The following JARID2 variants were observed in gnomAD, a reference collection of about 807,000 sequenced individuals.
JARID2 encodes the protein jumonji and AT-rich interaction domain containing 2.
A neutral mutation model predicts 125.6 loss-of-function variants in JARID2; 21 were observed. That is an observed-to-expected ratio of 0.17 (90% CI 0.12 to 0.24). The LOEUF is 0.24. Among genes scored for constraint, JARID2 ranks in the 10% least tolerant of loss-of-function variants. JARID2 has a pLI of 1.00. For missense variants in JARID2, 1,303 were observed against 1,639.6 expected (o/e 0.79, Z 3.55); for synonymous variants, 736 against 661.6 (o/e 1.11, Z -1.73).
chr6:15,442,864 A>G (rs1353890599), intron 3 of JARID2, among the ~76,000 whole-genome samples: 1 of 152,190 alleles, frequency 6.6e-6, no homozygotes, highest in Non-Finnish European at 1.5e-5. Flanking sequence ...AGAAGATTTC[A>G]AGAAACATAA....
chr6:15,439,905 G>A (rs921293361), intron 3 of JARID2, among the ~76,000 whole-genome samples: 3 of 152,188 alleles, frequency 2.0e-5, no homozygotes, highest in Admixed American at 2.0e-4. Context: ...TAATGTCACA[G>A]CAAATGCAAG....
chr6:15,502,641 C>G, intron 8 of JARID2, among the ~76,000 whole-genome samples: 1 of 152,324 alleles, frequency 6.6e-6, no homozygotes, highest in South Asian at 2.1e-4. Context: ...TGACTCCTGG[C>G]GTTGCTGCTT....
chr6:15,514,519 C>A (rs1478490798), intron 16 of JARID2, among the ~76,000 whole-genome samples: 2 of 152,182 alleles, frequency 1.3e-5, no homozygotes, highest in Non-Finnish European at 2.9e-5. Flanking sequence ...GACTGAGACC[C>A]GGGTCGACTC....
intron 17 of JARID2, among the ~76,000 whole-genome samples, chr6:15,519,686 T>C (rs898000562): frequency 6.6e-6 from 1 of 152,212 alleles, no homozygotes; most frequent in South Asian, 2.1e-4. Context: ...CAGTGGCCGG[T>C]AGCTAAAGTG....
chr6:15,447,497 T>C (rs1411192150), intron 3 of JARID2, among the ~76,000 whole-genome samples: 1 of 152,216 alleles, frequency 6.6e-6, no homozygotes, highest in African/African-American at 2.4e-5. Flanking sequence ...CCTGACTACA[T>C]GCAAGGCCCA....
intron 1 of JARID2, among the ~76,000 whole-genome samples, chr6:15,281,894 A>G (rs770291408): frequency 6.6e-6 from 1 of 151,196 alleles, no homozygotes; most frequent in Non-Finnish European, 1.5e-5. Flanking sequence ...ATATGATTGA[A>G]TTGGAAGTGC....
chr6:15,327,121 T>C (rs1762556596), intron 1 of JARID2, among the ~76,000 whole-genome samples: 1 of 152,232 alleles, frequency 6.6e-6, no homozygotes, highest in South Asian at 2.1e-4. Flanking sequence ...TGGGATCTTT[T>C]TTCTCCCCTT....
intron 3 of JARID2, among the ~76,000 whole-genome samples, chr6:15,417,031 G>A (rs1025147555): frequency 1.3e-5 from 2 of 152,168 alleles, no homozygotes; most frequent in Non-Finnish European, 2.9e-5. Flanking sequence ...AGTTAATTTG[G>A]TGATGGTATA....
chr6:15,394,037 G>A (rs1273162001), intron 2 of JARID2, among the ~76,000 whole-genome samples: 1 of 152,134 alleles, frequency 6.6e-6, no homozygotes, highest in Non-Finnish European at 1.5e-5. Flanking sequence ...ATCTGAAGAT[G>A]AGGTCTTCTA....
intron 1 of JARID2, among the ~76,000 whole-genome samples, chr6:15,279,492 C>T (rs559177429): frequency 2.6e-5 from 4 of 152,270 alleles, no homozygotes; most frequent in South Asian, 4.1e-4. Flanking sequence ...CCTCTGGGGT[C>T]GTGGAAGTAT....
chr6:15,482,674 ATATG>A (rs1769677988), intron 5 of JARID2, among the ~76,000 whole-genome samples: 1 of 152,230 alleles, frequency 6.6e-6, no homozygotes, highest in African/African-American at 2.4e-5. Context: ...CTTTGGATAA[ATATG>A]TATGTACATG....
chr6:15,502,989 G>A (rs13208563), intron 8 of JARID2, among the ~76,000 whole-genome samples: 35,199 of 152,212 alleles, frequency 0.23, 4,301 homozygotes, highest in Middle Eastern at 0.36. Flanking sequence ...AACTGTCAAC[G>A]TTTTTACTTT....
intron 1 of JARID2, among the ~76,000 whole-genome samples, chr6:15,280,485 T>C (rs899940704): frequency 6.6e-6 from 1 of 152,324 alleles, no homozygotes; most frequent in South Asian, 2.1e-4. Flanking sequence ...GATCCAGCCT[T>C]TTACATTCTT....
intron 1 of JARID2, among the ~76,000 whole-genome samples, chr6:15,289,261 A>G (rs1382560220): frequency 6.6e-6 from 1 of 152,214 alleles, no homozygotes; most frequent in African/African-American, 2.4e-5. Context: ...AAAAAGAATA[A>G]TGAAAAATAG....
chr6:15,415,816 G>A (rs1367738337), intron 3 of JARID2, among the ~76,000 whole-genome samples: 1 of 123,392 alleles, frequency 8.1e-6, no homozygotes, highest in South Asian at 2.8e-4. Context: ...TGGCCGGGCG[G>A]GGGGCTGACC....
chr6:15,252,642 G>A (rs1356695123), intron 1 of JARID2, among the ~76,000 whole-genome samples: 2 of 152,138 alleles, frequency 1.3e-5, no homozygotes, highest in African/African-American at 4.8e-5. Flanking sequence ...ATTATATATT[G>A]TTTTACTTAT....
chr6:15,374,491 G>C (rs1339371588), intron 2 of JARID2, among the ~76,000 whole-genome samples: 2 of 152,232 alleles, frequency 1.3e-5, no homozygotes, highest in African/African-American at 4.8e-5. Context: ...TGTAGGTCCT[G>C]TCTTGCTGGT....
chr6:15,338,825 C>T lies in JARID2; in HGVS notation c.46-35292C>T, dbSNP rs73726557. On this transcript the variant is annotated intron_variant, in intron 1 of 17. Transcript: ENST00000341776. ...CCCAGTAAGGCCCAGTTACCCTTCT[C>T]CCTACAGGACTTAAAGCAAATTAAG... is the stretch of plus-strand genomic sequence containing the variant. 7.9e-3 allele frequency among the ~76,000 whole-genome samples: 1,197 copies of T among 152,330 alleles called. 19 individuals carry two copies. The highest frequency in any genetic ancestry group is 0.028 in the African/African-American group (1,149 of 41,576).
At position 15,487,411 on chromosome 6, in the gene JARID2, G is replaced by A; in HGVS notation, c.775G>A (p.Asp259Asn). 1.2e-6 allele frequency: 2 copies of A among 1,614,242 alleles called. No individual in the cohort carries two copies. The highest frequency in any genetic ancestry group is 8.5e-7 in the Non-Finnish European group (1 of 1,180,054). ...GGAGAAGCACAGCGATCACCGGGCT[G>A]ACAGCCGCCGGGAGCAGGCTTCAGC... ...AKEKHSDHRA[D>N]SRREQASANH... Residue 259 changes from aspartate (D) to asparagine (N), a missense_variant, in exon 6 of 18, where the codon GAC becomes AAC. Coordinates refer to ENST00000341776, the MANE Select transcript of JARID2 (RefSeq NM_004973.4).
Sources: allele counts gnomAD v4.1 joint callset (sites outside exome capture counted in the v4.1 genomes callset), GRCh38; gene constraint gnomAD v4.1.1; transcripts MANE v1.5; gene names NCBI Gene and HGNC (gene_info 2026-07-23, HGNC 2026-07-21).